The following LYPD6 variants were observed in gnomAD, a reference collection of about 807,000 sequenced individuals.
LYPD6 encodes the protein ly6/PLAUR domain-containing protein 6.
A neutral mutation model predicts 22.7 loss-of-function variants in LYPD6; 15 were observed. The observed-to-expected ratio is 0.66, with a 90% CI of 0.44 to 1.02. LYPD6 has a LOEUF of 1.02. LYPD6 is among the 50% of genes least tolerant of loss of function. The probability of loss-of-function intolerance (pLI) is 0.00; values close to 1 mark genes in which losing one functional copy is unlikely to be tolerated. For synonymous variants in LYPD6, 72 were observed against 77.5 expected, an observed-to-expected ratio of 0.93 and a Z score of 0.37; for missense variants, 189 against 208.4, an observed-to-expected ratio of 0.91 and a Z score of 0.57.
At chr2:149,342,165 G>A (rs1409260787) in intron 1 of LYPD6, among the ~76,000 whole-genome samples, 4 of 152,102 alleles carry the variant, frequency 2.6e-5, no homozygotes, top group Non-Finnish European at 5.9e-5. Flanking sequence ...ACTTTGGAAA[G>A]TTAGGTATGA....
At chr2:149,447,756 ATGAG>A in intron 2 of LYPD6, among the ~76,000 whole-genome samples, 1 of 152,354 alleles carries the variant, frequency 6.6e-6, no homozygotes, top group Non-Finnish European at 1.5e-5. Context: ...ATAAGTTGAC[ATGAG>A]TAAGTTATTA....
At chr2:149,336,943 G>C (rs984796971) in intron 1 of LYPD6, among the ~76,000 whole-genome samples, 1 of 151,952 alleles carries the variant, frequency 6.6e-6, no homozygotes, top group South Asian at 2.1e-4. Context: ...GTGTGTGTGT[G>C]TGTGTGTGTG....
In LYPD6 at chr2:149,374,196, C is replaced by G. The variant is rs566087873; in HGVS notation, c.-72+43474C>G. On this transcript the variant is annotated intron_variant, in intron 1 of 4. Transcript: ENST00000334166. ...AAACCAGGGCAGGGAAGGCTCACAT[C>G]ACTTTATTTCAGAAGTCAAGCATAT... Among the ~76,000 whole-genome samples the G allele has an allele frequency of 1.5e-3, 221 of 152,192 alleles. 1 individual carries two copies. The highest frequency in any genetic ancestry group is 5.1e-3 in the African/African-American group (210 of 41,506).
intron 1 of LYPD6, among the ~76,000 whole-genome samples, chr2:149,384,836 G>A (rs953544102): frequency 1.3e-5 from 2 of 151,410 alleles, no homozygotes; most frequent in Non-Finnish European, 2.9e-5. Flanking sequence ...CCATTAACTC[G>A]TCATTTAGCA....
intron 1 of LYPD6, among the ~76,000 whole-genome samples, chr2:149,383,220 C>T (rs1274896705): frequency 6.6e-6 from 1 of 152,064 alleles, no homozygotes; most frequent in African/African-American, 2.4e-5. Context: ...CTTTTCTATG[C>T]CGGTTGACTA....
intron 1 of LYPD6, among the ~76,000 whole-genome samples, chr2:149,407,351 C>G (rs879115357): frequency 6.6e-6 from 1 of 152,148 alleles, no homozygotes; most frequent in Admixed American, 6.5e-5. Flanking sequence ...TCCATCCTCC[C>G]CATCACTTTC....
At chr2:149,332,724 T>C (rs1470597719) in intron 1 of LYPD6, among the ~76,000 whole-genome samples, 5 of 152,226 alleles carry the variant, frequency 3.3e-5, no homozygotes, top group Admixed American at 3.3e-4. Context: ...CTGCACCTCT[T>C]TTTACTGTTT....
intron 1 of LYPD6, among the ~76,000 whole-genome samples, chr2:149,434,736 G>A (rs1365790322): frequency 3.9e-5 from 6 of 152,236 alleles, no homozygotes; most frequent in African/African-American, 1.4e-4. Context: ...TGTGGCCAGG[G>A]TCTGAGGCAG....
At position 149,407,346 on chromosome 2, in the gene LYPD6, C is replaced by T. The variant is rs1401761023; in HGVS notation, c.-71-30292C>T. ...AGAGTGTTTTCCAACTTGGTTCCAT[C>T]CTCCCCATCACTTTCAGGTATACCA... is the stretch of plus-strand genomic sequence containing the variant. On this transcript the variant is annotated intron_variant, in intron 1 of 4. Transcript: ENST00000334166. Among the ~76,000 whole-genome samples the T allele has an allele frequency of 2.0e-5, 3 of 152,142 alleles. No homozygotes were observed. The East Asian group carries it at 5.8e-4, about 29-fold the overall frequency.
intron 3 of LYPD6, among the ~76,000 whole-genome samples, chr2:149,467,767 A>C (rs1488973350): frequency 6.6e-6 from 1 of 152,210 alleles, no homozygotes; most frequent in Non-Finnish European, 1.5e-5. Flanking sequence ...GAGCAAGAAC[A>C]TTCTCCTAAA....
At chr2:149,337,382 A>AC (rs1681054346) in intron 1 of LYPD6, among the ~76,000 whole-genome samples, 1 of 151,718 alleles carries the variant, frequency 6.6e-6, no homozygotes, top group African/African-American at 2.4e-5. Context: ...GTATTATATG[A>AC]CCCCTGGGCC....
At chr2:149,399,256 G>A (rs1310780677) in intron 1 of LYPD6, among the ~76,000 whole-genome samples, 1 of 151,680 alleles carries the variant, frequency 6.6e-6, no homozygotes, top group Non-Finnish European at 1.5e-5. Flanking sequence ...CTGTAACTTT[G>A]TCAGCAATAG....
chr2:149,331,467 C>T (rs1338570934), intron 1 of LYPD6, among the ~76,000 whole-genome samples: 2 of 152,186 alleles, frequency 1.3e-5, no homozygotes, highest in African/African-American at 4.8e-5. Context: ...CGCTGCCCTC[C>T]TCCAGTCCCC....
At chr2:149,367,275 T>C (rs2105073951) in intron 1 of LYPD6, among the ~76,000 whole-genome samples, 1 of 152,124 alleles carries the variant, frequency 6.6e-6, no homozygotes, top group East Asian at 1.9e-4. Context: ...CATGCTCCCA[T>C]GGTTGCCGCA....
chr2:149,431,544 G>A (rs1027640255), intron 1 of LYPD6, among the ~76,000 whole-genome samples: 3 of 152,220 alleles, frequency 2.0e-5, no homozygotes, highest in East Asian at 1.9e-4. Flanking sequence ...AATAGAGTGA[G>A]TGGTGCTTCA....
At chr2:149,468,507 G>T in intron 3 of LYPD6, 138 bp from the exon 4 acceptor site, 1 of 910,980 alleles carries the variant, frequency 1.1e-6, no homozygotes, top group Non-Finnish European at 1.6e-6. Flanking sequence ...TTTGGGGTTG[G>T]ACATAAACTC....
At chr2:149,416,497 T>C (rs914576451) in intron 1 of LYPD6, among the ~76,000 whole-genome samples, 2 of 152,214 alleles carry the variant, frequency 1.3e-5, no homozygotes, top group African/African-American at 4.8e-5. Context: ...GGGTCAGTTA[T>C]CTCTGCCATT....
chr2:149,359,210 T>G (rs772855136), intron 1 of LYPD6, among the ~76,000 whole-genome samples: 5 of 152,128 alleles, frequency 3.3e-5, no homozygotes, highest in Non-Finnish European at 5.9e-5. Flanking sequence ...ACATCTTTGA[T>G]TTCCATGCAT....
chr2:149,350,331 T>C (rs1384978330), intron 1 of LYPD6, among the ~76,000 whole-genome samples: 4 of 152,212 alleles, frequency 2.6e-5, no homozygotes, highest in Non-Finnish European at 5.9e-5. Flanking sequence ...ATTATACATT[T>C]CGTTGTTCAT....
Sources: gnomAD v4.1 joint callset for allele counts (sites outside exome capture counted in the v4.1 genomes callset) on GRCh38, gnomAD v4.1.1 for gene constraint, MANE v1.5 for transcripts, NCBI Gene and HGNC (gene_info 2026-07-23, HGNC 2026-07-21) for gene names.